Variants in TTC27 observed in about 807,000 individuals in gnomAD.
TTC27 encodes tetratricopeptide repeat protein 27.
TTC27 carries 79 observed loss-of-function variants against 115.9 expected under a neutral mutation model. That is an observed-to-expected ratio of 0.68 (90% confidence interval 0.57 to 0.82). The LOEUF (loss-of-function observed/expected upper bound fraction) is 0.82, where lower values mean the gene tolerates loss of function less well. Among genes scored for constraint, TTC27 ranks in the 40% least tolerant of loss-of-function variants. The pLI is 0.00. For missense variants in TTC27, 1,054 were observed against 993.1 expected, an observed-to-expected ratio of 1.06 and a Z score of -0.82; for synonymous variants, 401 against 356.0, an observed-to-expected ratio of 1.13 and a Z score of -1.42.
At chr2:32,629,527 C>T (rs1403563671) in intron 1 of TTC27, among the ~76,000 whole-genome samples, 3 of 152,104 alleles carry the variant, frequency 2.0e-5, no homozygotes, top group Non-Finnish European at 4.4e-5. Context: ...CTCCACCTCC[C>T]GGGTTCACGC....
intron 12 of TTC27, among the ~76,000 whole-genome samples, chr2:32,744,724 T>C (rs1376685521): frequency 6.6e-6 from 1 of 152,184 alleles, no homozygotes; most frequent in Non-Finnish European, 1.5e-5. Context: ...ATTTAGTAAG[T>C]AGATTTGACA....
intron 13 of TTC27, among the ~76,000 whole-genome samples, chr2:32,764,544 A>G (rs1050862507): frequency 6.6e-6 from 1 of 152,232 alleles, no homozygotes; most frequent in Admixed American, 6.5e-5. Context: ...CTGACTGATC[A>G]GTGTGATGGT....
intron 5 of TTC27, among the ~76,000 whole-genome samples, chr2:32,659,044 A>T (rs1665435792): frequency 6.6e-6 from 1 of 152,182 alleles, no homozygotes. Context: ...AACTCACTGC[A>T]GCCTTGAACT....
chr2:32,674,900 A>G (rs550475811), intron 8 of TTC27, among the ~76,000 whole-genome samples: 7 of 151,540 alleles, frequency 4.6e-5, no homozygotes, highest in African/African-American at 1.5e-4. Context: ...CTGACCTCGT[A>G]ATCCGCCCAC....
intron 4 of TTC27, among the ~76,000 whole-genome samples, chr2:32,646,859 G>A (rs1317891704): frequency 2.0e-5 from 3 of 151,648 alleles, no homozygotes; most frequent in Non-Finnish European, 4.4e-5. Context: ...CACCGCGCCC[G>A]GCCTCTATAT....
chr2:32,767,122 A>G (rs1669655201), intron 13 of TTC27, among the ~76,000 whole-genome samples: 2 of 151,428 alleles, frequency 1.3e-5, no homozygotes, highest in African/African-American at 2.4e-5. Flanking sequence ...ACATCAAATC[A>G]TTTCCTTAAA....
intron 16 of TTC27, among the ~76,000 whole-genome samples, chr2:32,793,678 A>G (rs1670609211): frequency 6.6e-6 from 1 of 151,980 alleles, no homozygotes; most frequent in African/African-American, 2.4e-5. Context: ...GCCTGCCACC[A>G]CGCCCGGCTA....
chr2:32,787,029 T>C lies in TTC27; in HGVS notation c.1878T>C (p.Tyr626=). 6.2e-7 allele frequency: 1 copy of C among 1,614,136 alleles called. No individual in the cohort carries two copies. Among genetic ancestry groups the C allele is most frequent in the Non-Finnish European group, 8.5e-7 (1 of 1,179,998 alleles). Reference sequence around the variant, plus strand: ...TACAAGAAGCTCTCAAGTGTAACTATGAACACTGGCAGATTTGGGAAAACT... The same window carrying C: ...TACAAGAAGCTCTCAAGTGTAACTACGAACACTGGCAGATTTGGGAAAACT... ...RTLQEALKCN[Y]EHWQIWENYI... is the part of the protein sequence containing the mutation. The change falls in exon 16 of 20, where the codon TAT becomes TAC. Residue 626 remains tyrosine (Y), a synonymous_variant. Coordinates refer to ENST00000317907, the MANE Select transcript of TTC27 (RefSeq NM_017735.5).
At chr2:32,813,388 G>A (rs1671382271) in intron 18 of TTC27, among the ~76,000 whole-genome samples, 1 of 152,156 alleles carries the variant, frequency 6.6e-6, no homozygotes, top group Admixed American at 6.5e-5. Flanking sequence ...AATGCAAAGG[G>A]CAGAGCTTTA....
chr2:32,723,728 C>CTCCCTCCG (rs1454826952), intron 10 of TTC27, among the ~76,000 whole-genome samples: 2 of 29,528 alleles, frequency 6.8e-5, no homozygotes, highest in Non-Finnish European at 1.2e-4. Context: ...CCCTCCCTCC[C>CTCCCTCCG]TCCTTCCTTC....
chr2:32,682,841 A>ATTTTTTTTTTTTTTTTTTTTTTTTTTTT (rs1559204114), intron 9 of TTC27, among the ~76,000 whole-genome samples: 1 of 77,480 alleles, frequency 1.3e-5, no homozygotes, highest in African/African-American at 5.6e-5. Context: ...GATAATTTTT[A>ATTTTTTTTTTTTTTTTTTTTTTTTTTTT]TTGTTGTTTT....
intron 9 of TTC27, among the ~76,000 whole-genome samples, chr2:32,689,996 T>C (rs948328950): frequency 1.3e-5 from 2 of 152,184 alleles, no homozygotes; most frequent in Non-Finnish European, 2.9e-5. Flanking sequence ...GGCAAAATAT[T>C]AACATTTGGG....
rs1241093013 is a variant in TTC27, at chr2:32,811,050, G to A, written c.2025G>A (p.Val675=). The change falls in exon 17 of 20, where the codon GTG becomes GTA. Residue 675 remains valine (V), a synonymous_variant. Transcript: ENST00000317907. ...TCCTTAAAATTCTAGTCAGGGCAGTGATTGATGGGATGACTGATCGAAGTG... is the reference window on the plus strand; with the variant it reads ...TCCTTAAAATTCTAGTCAGGGCAGTAATTGATGGGATGACTGATCGAAGTG... ...VQVLKILVRA[V]IDGMTDRSGD... The A allele has an allele frequency of 1.2e-6, 2 of 1,614,188 alleles. No individual in the cohort carries two copies. The highest frequency in any genetic ancestry group is 1.7e-6 in the Non-Finnish European group (2 of 1,180,026).
intron 10 of TTC27, among the ~76,000 whole-genome samples, chr2:32,715,150 C>T (rs1667712063): frequency 6.6e-6 from 1 of 152,094 alleles, no homozygotes; most frequent in Non-Finnish European, 1.5e-5. Flanking sequence ...CTTTGCCAGT[C>T]CCTACATTCA....
At chr2:32,769,147 T>G (rs1443116643) in intron 13 of TTC27, among the ~76,000 whole-genome samples, 1 of 152,166 alleles carries the variant, frequency 6.6e-6, no homozygotes, top group Non-Finnish European at 1.5e-5. Flanking sequence ...TCCTGAGCTT[T>G]GGGCATCTCC....
At chr2:32,805,371 T>G (rs1253255525) in intron 16 of TTC27, among the ~76,000 whole-genome samples, 1 of 152,246 alleles carries the variant, frequency 6.6e-6, no homozygotes, top group African/African-American at 2.4e-5. Context: ...CACAGGTCAC[T>G]GGTGATCAGA....
chr2:32,793,935 G>T (rs1420480695), intron 16 of TTC27, among the ~76,000 whole-genome samples: 1 of 151,914 alleles, frequency 6.6e-6, no homozygotes, highest in Non-Finnish European at 1.5e-5. Flanking sequence ...ACTTTGTTTT[G>T]TAGCTCCATA....
intron 12 of TTC27, among the ~76,000 whole-genome samples, chr2:32,739,490 T>A (rs1352266473): frequency 6.6e-6 from 1 of 152,162 alleles, no homozygotes; most frequent in East Asian, 1.9e-4. Context: ...TTTTTTTAAA[T>A]GTGCACATGA....
intron 16 of TTC27, among the ~76,000 whole-genome samples, chr2:32,801,683 G>T (rs1018800289): frequency 1.3e-5 from 2 of 152,168 alleles, no homozygotes; most frequent in South Asian, 4.1e-4. Flanking sequence ...TTCATGAAGA[G>T]GGGAGTAGAT....
Sources: allele counts gnomAD v4.1 joint callset (sites outside exome capture counted in the v4.1 genomes callset), GRCh38; gene constraint gnomAD v4.1.1; transcripts MANE v1.5; gene names NCBI Gene and HGNC (gene_info 2026-07-23, HGNC 2026-07-21).